RORA: variants seen among roughly 807,000 people sequenced by gnomAD.
RORA encodes the protein RAR related orphan receptor A.
In RORA, 7 loss-of-function variants were observed where a neutral mutation model predicts 69.5. That is an observed-to-expected ratio of 0.10 (90% CI 0.06 to 0.19). The LOEUF is 0.19. Ranked by LOEUF, RORA falls within the 10% of genes least tolerant of loss-of-function variation. RORA has a pLI of 1.00. For missense variants in RORA, 457 were observed against 663.0 expected, an observed-to-expected ratio of 0.69 and a Z score of 3.41; for synonymous variants, 261 against 240.8, an observed-to-expected ratio of 1.08 and a Z score of -0.78.
At chr15:60,728,668 T>C (rs532273629) in intron 1 of RORA, among the ~76,000 whole-genome samples, 1 of 152,226 alleles carries the variant, frequency 6.6e-6, no homozygotes, top group South Asian at 2.1e-4. Flanking sequence ...TAAAACACAC[T>C]AAAAGGATCT....
rs1302667128 is a variant in RORA at position 61,041,145 on chromosome 15, T to TA, written c.166+187907dup. The TA allele has an allele frequency of 2.0e-5, 3 of 152,218 alleles. No homozygotes were observed. In the East Asian group the frequency reaches 5.8e-4, roughly 29 times the overall value. The allele number at this position is 152,218 out of a possible 1,614,324, so 9.4% of individuals were successfully genotyped here. ...AGATCCTCCAGAAGCCTGTAAAAAT[T>TA]AAGACAACTTTTAAAACTCTCTTTG... On this transcript the variant is annotated intron_variant, in intron 1 of 10. Transcript: ENST00000335670.
intron 1 of RORA, among the ~76,000 whole-genome samples, chr15:60,985,796 G>A (rs1894185047): frequency 1.3e-5 from 2 of 152,144 alleles, no homozygotes; most frequent in African/African-American, 4.8e-5. Context: ...TGTTGGCCAG[G>A]CTGATCTCAA....
chr15:61,207,247 G>C (rs374602317), intron 1 of RORA, among the ~76,000 whole-genome samples: 1 of 152,112 alleles, frequency 6.6e-6, no homozygotes, highest in Non-Finnish European at 1.5e-5. Context: ...CACATGTGAA[G>C]ATGAGAAAGG....
chr15:60,863,533 C>T (rs1446055619), intron 1 of RORA, among the ~76,000 whole-genome samples: 2 of 152,178 alleles, frequency 1.3e-5, no homozygotes, highest in African/African-American at 4.8e-5. Flanking sequence ...AAGCTGTATT[C>T]ATGAACCCTC....
At chr15:61,075,011 C>T (rs1310961142) in intron 1 of RORA, among the ~76,000 whole-genome samples, 2 of 151,088 alleles carry the variant, frequency 1.3e-5, no homozygotes, top group Non-Finnish European at 1.5e-5. Flanking sequence ...CACTTGAACC[C>T]GGGAGGCGGA....
At chr15:60,592,400 G>A (rs1457297608) in intron 2 of RORA, 3 of 1,436,822 alleles carry the variant, frequency 2.1e-6, no homozygotes, top group African/African-American at 3.0e-5. Context: ...TCATCGCTGC[G>A]ATCACAAAAT....
chr15:61,130,545 C>G (rs2079181312), intron 1 of RORA, among the ~76,000 whole-genome samples: 1 of 152,136 alleles, frequency 6.6e-6, no homozygotes, highest in Non-Finnish European at 1.5e-5. Flanking sequence ...GATATGAGTT[C>G]AAACTGTGTT....
intron 1 of RORA, among the ~76,000 whole-genome samples, chr15:61,116,240 C>T (rs1194586837): frequency 3.3e-5 from 5 of 152,112 alleles, no homozygotes; most frequent in Non-Finnish European, 5.9e-5. Context: ...TATAGGAATG[C>T]AAATTAGTAA....
intron 1 of RORA, among the ~76,000 whole-genome samples, chr15:60,960,499 G>C (rs1893386098): frequency 6.6e-6 from 1 of 152,146 alleles, no homozygotes; most frequent in African/African-American, 2.4e-5. Flanking sequence ...TGGCCTACTG[G>C]AATGGCTAAT....
At chr15:60,607,465 A>G (rs1292364664) in intron 2 of RORA, among the ~76,000 whole-genome samples, 1 of 152,232 alleles carries the variant, frequency 6.6e-6, no homozygotes, top group Non-Finnish European at 1.5e-5. Flanking sequence ...CATGGTATAC[A>G]TACCTAAAAT....
chr15:60,525,492 A>G (rs2066323911), intron 3 of RORA, among the ~76,000 whole-genome samples: 1 of 152,236 alleles, frequency 6.6e-6, no homozygotes, highest in Admixed American at 6.5e-5. Flanking sequence ...CCACTTCTGT[A>G]TACACATATG....
rs570879173 is a variant in RORA, at chr15:60,903,603, A to G, written c.167-224917T>C. ...TCAGCTGGTGAAGCTATTATATTCT[A>G]CCTTTCTCCAAGTAGTATGCAATGC... On this transcript the variant is annotated intron_variant, in intron 1 of 10. Transcript: ENST00000335670. 1.8e-3 allele frequency among the ~76,000 whole-genome samples: 277 copies of G among 152,236 alleles called. 1 individual carries two copies. Among genetic ancestry groups the G allele is most frequent in the Non-Finnish European group, 3.4e-3 (234 of 68,022 alleles).
In RORA at chr15:60,598,464, A is replaced by T. The variant is rs577805116; in HGVS notation, c.197-66613T>A. 3.9e-5 allele frequency: 6 copies of T among 152,374 alleles called. No homozygotes were observed. In the East Asian group the frequency reaches 1.2e-3, roughly 29 times the overall value. The allele number at this position is 152,374 out of a possible 1,614,324, so 9.4% of individuals were successfully genotyped here. On this transcript the variant is annotated intron_variant, in intron 2 of 10. Coordinates refer to ENST00000335670, the MANE Select transcript of RORA (RefSeq NM_134261.3). The stretch of plus-strand genomic sequence containing the variant: ...CCTCCTCAGCCTACTCACTGTGAAG[A>T]CAATAAGGATGAAGACCTTTATGAC...
intron 1 of RORA, among the ~76,000 whole-genome samples, chr15:60,910,781 T>A (rs1891683780): frequency 6.6e-6 from 1 of 152,084 alleles, no homozygotes; most frequent in Non-Finnish European, 1.5e-5. Context: ...CTGTAACAAC[T>A]AATTGAATTC....
intron 1 of RORA, among the ~76,000 whole-genome samples, chr15:60,862,554 T>C (rs964029851): frequency 1.3e-5 from 2 of 152,162 alleles, no homozygotes; most frequent in African/African-American, 4.8e-5. Flanking sequence ...CACTACTGGA[T>C]TGGCAAATTG....
chr15:61,160,062 C>T (rs771794832), intron 1 of RORA, among the ~76,000 whole-genome samples: 8 of 152,112 alleles, frequency 5.3e-5, no homozygotes, highest in Admixed American at 1.3e-4. Context: ...AACAGGAATG[C>T]AAATAAACAC....
chr15:60,739,072 C>T (rs886491030), intron 1 of RORA, among the ~76,000 whole-genome samples: 1 of 152,158 alleles, frequency 6.6e-6, no homozygotes, highest in Admixed American at 6.5e-5. Context: ...AGGTCACATT[C>T]CAAGGTACTG....
chr15:60,542,184 C>T (rs2066892825), intron 2 of RORA, among the ~76,000 whole-genome samples: 1 of 152,188 alleles, frequency 6.6e-6, no homozygotes, highest in African/African-American at 2.4e-5. Context: ...GGTGGCAGCA[C>T]ATTTCACATC....
chr15:60,628,424 G>A (rs1459818619), intron 2 of RORA, among the ~76,000 whole-genome samples: 3 of 152,118 alleles, frequency 2.0e-5, no homozygotes, highest in African/African-American at 4.8e-5. Flanking sequence ...GCAGCGCTGT[G>A]GCACTGTCAT....
Sources: gnomAD v4.1 joint callset for allele counts (sites outside exome capture counted in the v4.1 genomes callset) on GRCh38, gnomAD v4.1.1 for gene constraint, MANE v1.5 for transcripts, NCBI Gene and HGNC (gene_info 2026-07-23, HGNC 2026-07-21) for gene names.